Variants in NT5C2 observed in about 807,000 individuals in gnomAD.
NT5C2 encodes cytosolic purine 5'-nucleotidase.
Under a neutral mutation model 76.1 loss-of-function variants are expected in NT5C2, and 58 were observed. That is an observed-to-expected ratio of 0.76 (90% CI 0.62 to 0.95). The LOEUF (loss-of-function observed/expected upper bound fraction) is 0.95, where lower values mean the gene tolerates loss of function less well. Ranked by LOEUF, NT5C2 falls within the 40% of genes least tolerant of loss-of-function variation. NT5C2 has a pLI of 0.00. For missense variants in NT5C2, 478 were observed against 690.3 expected (o/e 0.69, Z 3.45); for synonymous variants, 229 against 237.4 (o/e 0.96, Z 0.32).
At chr10:103,124,778 T>C (rs1274260240) in intron 4 of NT5C2, among the ~76,000 whole-genome samples, 3 of 151,812 alleles carry the variant, frequency 2.0e-5, no homozygotes, top group East Asian at 1.9e-4. Flanking sequence ...GAGGTTTTTT[T>C]CCACCAACCA....
intron 3 of NT5C2, among the ~76,000 whole-genome samples, chr10:103,147,601 A>G (rs1171919581): frequency 6.6e-6 from 1 of 152,220 alleles, no homozygotes; most frequent in Non-Finnish European, 1.5e-5. Context: ...TAAACCTTCA[A>G]AATTCCCTGT....
At chr10:103,161,802 G>T (rs1327193121) in intron 3 of NT5C2, among the ~76,000 whole-genome samples, 1 of 152,110 alleles carries the variant, frequency 6.6e-6, no homozygotes, top group Non-Finnish European at 1.5e-5. Flanking sequence ...AACTGTATAA[G>T]TTCATTTATA....
chr10:103,131,106 G>C (rs1160869021), intron 4 of NT5C2, among the ~76,000 whole-genome samples: 1 of 152,152 alleles, frequency 6.6e-6, no homozygotes, highest in Non-Finnish European at 1.5e-5. Context: ...ACCTCTCAAT[G>C]AACACACCAT....
rs755628247 is a variant in NT5C2 at position 103,096,000 on chromosome 10, A to G, written c.772-20T>C. 76 of 1,599,456 alleles carry G rather than the reference A, an allele frequency of 4.8e-5. No individual in the cohort carries two copies. The highest frequency in any genetic ancestry group is 5.6e-5 in the Non-Finnish European group (65 of 1,166,856). ...AATTTTCTGGAAAAAAAAATTTAAC[A>G]TAAGGTCCATATACTACTTTTGCAA... is the stretch of plus-strand genomic sequence containing the variant. On this transcript the variant is annotated intron_variant, in intron 11 of 18. Coordinates refer to ENST00000404739, the MANE Select transcript of NT5C2 (RefSeq NM_001351169.2).
intron 3 of NT5C2, among the ~76,000 whole-genome samples, chr10:103,143,867 A>G (rs1351527853): frequency 6.6e-6 from 1 of 152,024 alleles, no homozygotes; most frequent in Non-Finnish European, 1.5e-5. Context: ...AGGCAGGAAG[A>G]TCACTTGAGC....
intron 2 of NT5C2, among the ~76,000 whole-genome samples, chr10:103,179,184 T>C (rs1050933214): frequency 1.3e-5 from 2 of 151,926 alleles, no homozygotes; most frequent in Non-Finnish European, 2.9e-5. Context: ...CCTGACCTCA[T>C]GATCTGCCCA....
intron 3 of NT5C2, chr10:103,153,860 T>C (rs1487598709): frequency 1.2e-6 from 1 of 868,468 alleles, no homozygotes. Context: ...TATGTGCAGA[T>C]CATATTACAG....
In NT5C2 at chr10:103,094,439, C is replaced by A; in HGVS notation, c.830G>T (p.Arg277Leu). Reference sequence around the variant, plus strand: ...CAAGTCAAAGTAGGACTGCCATGGTCGATGGGAGCTCCCAGGCTGGTGAAG... The same window carrying A: ...CAAGTCAAAGTAGGACTGCCATGGTAGATGGGAGCTCCCAGGCTGGTGAAG... Reference protein sequence around the residue: ...PHGPKPGSSHRPWQSYFDLIL... With the variant: ...PHGPKPGSSHLPWQSYFDLIL... The change falls in exon 13 of 19, where the codon CGA becomes CTA. Residue 277 changes from arginine to leucine, a missense_variant. By Grantham distance (102) the Arg-to-Leu change is moderately radical. Transcript: ENST00000404739. 6.2e-7 allele frequency: 1 copy of A among 1,611,652 alleles called. No homozygotes were observed. The highest frequency in any genetic ancestry group is 8.5e-7 in the Non-Finnish European group (1 of 1,178,024).
chr10:103,116,129 T>A (rs1027732700), intron 4 of NT5C2, among the ~76,000 whole-genome samples: 1 of 152,112 alleles, frequency 6.6e-6, no homozygotes, highest in African/African-American at 2.4e-5. Flanking sequence ...AATGCCTTTT[T>A]AAAAAAACCA....
intron 2 of NT5C2, among the ~76,000 whole-genome samples, chr10:103,180,241 A>C (rs1292606481): frequency 6.6e-6 from 1 of 152,238 alleles, no homozygotes; most frequent in Non-Finnish European, 1.5e-5. Flanking sequence ...AAAATTAAAA[A>C]GACAGTATCA....
chr10:103,108,669 A>G (rs1446367742), intron 4 of NT5C2, among the ~76,000 whole-genome samples: 1 of 152,318 alleles, frequency 6.6e-6, no homozygotes, highest in East Asian at 1.9e-4. Flanking sequence ...AGTTTTTAAA[A>G]AGCAAGCTGG....
Position 103,095,933 on chromosome 10 carries a change from C to T in NT5C2, c.813+6G>A, listed in dbSNP as rs553519443. The T allele has an allele frequency of 1.5e-5, 24 of 1,610,372 alleles. No individual in the cohort carries two copies. In the Admixed American group the frequency reaches 2.0e-4, roughly 13 times the overall value. On this transcript the variant is annotated splice_donor_region_variant and intron_variant, in intron 12 of 18. Transcript: ENST00000404739. Reference sequence around the variant, plus strand: ...AAGCAGTGGTCTATTGAGTCACATACGGTACCTTGGGGCCATGTGGGAAGT... The same window carrying T: ...AAGCAGTGGTCTATTGAGTCACATATGGTACCTTGGGGCCATGTGGGAAGT...
At chr10:103,109,866 C>T (rs1321326865) in intron 4 of NT5C2, among the ~76,000 whole-genome samples, 1 of 152,126 alleles carries the variant, frequency 6.6e-6, no homozygotes, top group African/African-American at 2.4e-5. Context: ...AGTCTCAAAT[C>T]CCCATTTTGA....
At chr10:103,178,052 C>A (rs2090340755) in intron 2 of NT5C2, among the ~76,000 whole-genome samples, 1 of 152,194 alleles carries the variant, frequency 6.6e-6, no homozygotes, top group Admixed American at 6.5e-5. Flanking sequence ...TGTCTGCCTT[C>A]TTTCAGTTGG....
intron 10 of NT5C2, chr10:103,098,137 A>C (rs370685778): frequency 2.1e-4 from 107 of 505,770 alleles, no homozygotes; most frequent in Non-Finnish European, 2.6e-4. Flanking sequence ...ATGTGTGTTT[A>C]ATTTTTATTC....
chr10:103,118,605 C>T lies in NT5C2; in HGVS notation c.176-11899G>A, dbSNP rs539587787. 3.9e-5 allele frequency among the ~76,000 whole-genome samples: 6 copies of T among 152,170 alleles called. No homozygotes were observed. The South Asian group carries it at 1.0e-3, about 26-fold the overall frequency. ...CTAGGTGCAAGCAATCCATCTGCCT[C>T]GGCCTCCCAAAGTGCTGGCATTAAT... On this transcript the variant is annotated intron_variant, in intron 4 of 18. Coordinates refer to ENST00000404739, the MANE Select transcript of NT5C2 (RefSeq NM_001351169.2).
At chr10:103,159,812 C>A (rs889749185) in intron 3 of NT5C2, among the ~76,000 whole-genome samples, 3 of 152,060 alleles carry the variant, frequency 2.0e-5, no homozygotes, top group Non-Finnish European at 4.4e-5. Context: ...ACACTTAATA[C>A]TATTAGGACA....
chr10:103,192,955 GA>G lies in NT5C2; in HGVS notation c.-169+280del, dbSNP rs1485540309. Among the ~76,000 whole-genome samples the G allele has an allele frequency of 6.6e-5, 10 of 152,252 alleles. No homozygotes were observed. In the East Asian group the frequency reaches 1.9e-3, roughly 30 times the overall value. Reference sequence around the variant, plus strand: ...GCCGGCGGCTGGGAAACAATGGCGCGAGCGTGACGTGGGCCGGAGGCGTCGC... The same window carrying G: ...GCCGGCGGCTGGGAAACAATGGCGCGGCGTGACGTGGGCCGGAGGCGTCGC... On this transcript the variant is annotated intron_variant, in intron 1 of 18. Transcript: ENST00000404739.
At chr10:103,090,359 G>C (rs545402188) in intron 18 of NT5C2, 3 of 416,520 alleles carry the variant, frequency 7.2e-6, no homozygotes, top group East Asian at 3.9e-5. Context: ...TGGGGTTACA[G>C]GCATGAGCCA....
Sources: allele counts gnomAD v4.1 joint callset (sites outside exome capture counted in the v4.1 genomes callset), GRCh38; gene constraint gnomAD v4.1.1; transcripts MANE v1.5; gene names NCBI Gene and HGNC (gene_info 2026-07-23, HGNC 2026-07-21).